CFHR3: variants seen among roughly 807,000 people sequenced by gnomAD.
CFHR3 encodes the protein complement factor H-related protein 3.
CFHR3 carries 22 observed loss-of-function variants against 36.0 expected under a neutral mutation model. The ratio of observed to expected loss-of-function variants is 0.61; its 90% CI spans 0.44 to 0.87. The LOEUF (loss-of-function observed/expected upper bound fraction) is 0.87. Ranked by LOEUF, CFHR3 falls within the 40% of genes least tolerant of loss-of-function variation. The pLI is 0.00. For synonymous variants in CFHR3, 97 were observed against 137.4 expected (o/e 0.71, Z 2.06); for missense variants, 276 against 401.3 (o/e 0.69, Z 2.67).
chr1:196,790,266 T>C, intron 5 of CFHR3, 39 bp downstream of exon 5: 1 of 1,134,884 alleles, frequency 8.8e-7, no homozygotes, highest in Non-Finnish European at 1.2e-6. Flanking sequence ...AAAATCAGAG[T>C]AATAAGTTTG....
At chr1:196,787,427 C>T (rs1233374554) in intron 3 of CFHR3, among the ~76,000 whole-genome samples, 1 of 137,048 alleles carries the variant, frequency 7.3e-6, no homozygotes, top group Admixed American at 7.0e-5. Flanking sequence ...TATGCATCAT[C>T]TTTAACATGA....
rs1654193575 is a variant in CFHR3, at chr1:196,786,237, T to A, written c.431-1979T>A. ...ACTGGGTGGTGCCTCCCAGTTAGGCTGCTCGGGGGTTGGGGTCAGCGACCA... is the reference window on the plus strand; with the variant it reads ...ACTGGGTGGTGCCTCCCAGTTAGGCAGCTCGGGGGTTGGGGTCAGCGACCA... On this transcript the variant is annotated intron_variant, in intron 3 of 5. Coordinates refer to ENST00000367425, the MANE Select transcript of CFHR3 (RefSeq NM_021023.6). Among the ~76,000 whole-genome samples the A allele has an allele frequency of 1.5e-5, 2 of 136,302 alleles. 1 individual carries two copies. The highest frequency in any genetic ancestry group is 6.2e-5 in the African/African-American group (2 of 32,344). 89.4% of individuals were successfully genotyped at this position (136,302 alleles called of 152,430 possible). A position where few individuals can be genotyped will look rare whatever the true frequency, so the allele number is the denominator to read the frequency against.
At chr1:196,785,000 T>G (rs1489122585) in intron 3 of CFHR3, among the ~76,000 whole-genome samples, 1 of 136,284 alleles carries the variant, frequency 7.3e-6, no homozygotes, top group Non-Finnish European at 1.6e-5. Context: ...GCAGGCCTGG[T>G]GGTGACAAAA....
In CFHR3 at chr1:196,788,405, G is replaced by T. The variant is rs748318693; in HGVS notation, c.613+7G>T. 6.5e-7 allele frequency: 1 copy of T among 1,527,232 alleles called. No homozygotes were observed. The highest frequency in any genetic ancestry group is 8.8e-7 in the Non-Finnish European group (1 of 1,131,204). The allele number at this position is 1,527,232 out of a possible 1,614,324, so 94.6% of individuals were successfully genotyped here. A position where few individuals can be genotyped will look rare whatever the true frequency, so the allele number is the denominator to read the frequency against. ...GCACAACCAATTTGCATTAGTAAGT[G>T]ATTTACATATTCCCATTCAGTTTCT... On this transcript the variant is annotated splice_region_variant and intron_variant, in intron 4 of 5. Transcript: ENST00000367425.
chr1:196,776,521 AGGTGGG>A (rs1653727321), intron 1 of CFHR3, among the ~76,000 whole-genome samples: 1 of 137,016 alleles, frequency 7.3e-6, no homozygotes. Flanking sequence ...TCAATGATTC[AGGTGGG>A]TCCTACTCCA....
At chr1:196,776,426 C>A (rs555139914) in intron 1 of CFHR3, among the ~76,000 whole-genome samples, 1 of 137,628 alleles carries the variant, frequency 7.3e-6, no homozygotes, top group East Asian at 2.0e-4. Context: ...CGCCAAAATT[C>A]ATTTGTTAAA....
Position 196,794,717 on chromosome 1 carries a change from T to C in CFHR3, c.*1204T>C. 3.5e-6 allele frequency: 1 copy of C among 283,574 alleles called. No homozygotes were observed. Among genetic ancestry groups the C allele is most frequent in the South Asian group, 3.5e-5 (1 of 28,200 alleles). The allele number at this position is 283,574 out of a possible 1,614,324, so 17.6% of individuals were successfully genotyped here. ...TTTTGAAAAGATTGTATATCCCTGT[T>C]AACAAATTGAAATCTCTATTCACTT... is the stretch of plus-strand genomic sequence containing the variant. On this transcript the variant is annotated 3_prime_UTR_variant, in exon 6 of 6. Transcript: ENST00000367425.
At chr1:196,784,030 A>G (rs1392992497) in intron 3 of CFHR3, among the ~76,000 whole-genome samples, 1 of 136,344 alleles carries the variant, frequency 7.3e-6, no homozygotes, top group Non-Finnish European at 1.6e-5. Flanking sequence ...TTCAAAGAAC[A>G]TCTTTATTTC....
In CFHR3 at chr1:196,779,703, T is replaced by G; in HGVS notation, c.254-94T>G. On this transcript the variant is annotated intron_variant, in intron 2 of 5. Transcript: ENST00000367425. ...ATTATTTTTGGATGTTTATGCGATC[T>G]TATTTAAATATGGTAACAATAATTT... 1.5e-6 allele frequency: 2 copies of G among 1,372,130 alleles called. 1 individual carries two copies. Among genetic ancestry groups the G allele is most frequent in the Non-Finnish European group, 1.9e-6 (2 of 1,032,152 alleles). 85.0% of individuals were successfully genotyped at this position (1,372,130 alleles called of 1,614,324 possible).
intron 4 of CFHR3, chr1:196,789,705 C>T: frequency 6.8e-7 from 1 of 1,470,712 alleles, no homozygotes; most frequent in Non-Finnish European, 9.1e-7. Flanking sequence ...GGAAACACCA[C>T]AGGTTCCATA....
intron 3 of CFHR3, among the ~76,000 whole-genome samples, chr1:196,784,081 A>G (rs1216511654): frequency 2.2e-5 from 3 of 136,252 alleles, no homozygotes; most frequent in African/African-American, 9.3e-5. Context: ...ATTCAGGAGC[A>G]GTTTGTTCAG....
rs147012038 is a variant in CFHR3 at position 196,788,385 on chromosome 1, A to C, written c.600A>C (p.Gln200His). 6.5e-7 allele frequency: 1 copy of C among 1,529,576 alleles called. No individual in the cohort carries two copies. Among genetic ancestry groups the C allele is most frequent in the South Asian group, 1.3e-5 (1 of 79,558 alleles). 94.8% of individuals were successfully genotyped at this position (1,529,576 alleles called of 1,614,324 possible). A position where few individuals can be genotyped will look rare whatever the true frequency, so the allele number is the denominator to read the frequency against. Reference protein sequence around the residue: ...ITCLQNGWSAQPICINSSEKC... With the variant: ...ITCLQNGWSAHPICINSSEKC... ...GTTTGCAAAATGGATGGTCAGCACA[A>C]CCAATTTGCATTAGTAAGTGATTTA... The change falls in exon 4 of 6, where the codon CAA (glutamine) becomes CAC (histidine). Residue 200 changes from glutamine to histidine, a missense_variant. Around this residue, in one of 3 missense-constraint regions of CFHR3, gnomAD observed 178 missense variants for 247.2 expected, o/e 0.72. Transcript: ENST00000367425.
Position 196,793,326 on chromosome 1 carries a change from T to A in CFHR3, c.806T>A (p.Ile269Lys), listed in dbSNP as rs556764847. 27 of 1,511,652 alleles carry A rather than the reference T, an allele frequency of 1.8e-5. 4 individuals are homozygous for A. In the East Asian group the frequency reaches 5.4e-4, roughly 30 times the overall value. 93.6% of individuals were successfully genotyped at this position (1,511,652 alleles called of 1,614,324 possible). A position where few individuals can be genotyped will look rare whatever the true frequency, so the allele number is the denominator to read the frequency against. ...SEPPRCIHPC[I>K]ITEENMNKNN... is the part of the protein sequence containing the mutation. ...TTTTTTCTGCTTTCAGATCCATGTA[T>A]AATAACTGAAGAAAACATGAATAAA... Residue 269 changes from isoleucine (I) to lysine (K), a missense_variant, in exon 6 of 6, where the codon ATA (isoleucine) becomes AAA (lysine). This residue lies in a region of CFHR3 where 76 missense variants were observed against 79.8 expected (regional missense o/e 0.95). Transcript: ENST00000367425.
At chr1:196,778,020 A>T (rs1191247066) in intron 1 of CFHR3, among the ~76,000 whole-genome samples, 1 of 134,094 alleles carries the variant, frequency 7.5e-6, no homozygotes, top group Admixed American at 7.2e-5. Flanking sequence ...AAGAAAAATT[A>T]AAATGATTTC....
At chr1:196,791,787 T>G (rs1654436746) in intron 5 of CFHR3, among the ~76,000 whole-genome samples, 1 of 135,258 alleles carries the variant, frequency 7.4e-6, no homozygotes, top group South Asian at 2.5e-4. Flanking sequence ...TAGAAAAGTG[T>G]TAGGTTTCAG....
rs1444566979 is a variant in CFHR3 at position 196,786,286 on chromosome 1, T to A, written c.431-1930T>A. Among the ~76,000 whole-genome samples, 2 of 135,334 alleles carry A rather than the reference T, an allele frequency of 1.5e-5. 1 individual carries two copies. Among genetic ancestry groups the A allele is most frequent in the Non-Finnish European group, 3.1e-5 (2 of 64,172 alleles). The allele number at this position is 135,334 out of a possible 152,430, so 88.8% of individuals were successfully genotyped here. A position where few individuals can be genotyped will look rare whatever the true frequency, so the allele number is the denominator to read the frequency against. ...CAACTTGAGGAGGCAGTCTGCCCGT[T>A]CTCAGATCTCCAGCTGCGTGCTGGG... On this transcript the variant is annotated intron_variant, in intron 3 of 5. Coordinates refer to ENST00000367425, the MANE Select transcript of CFHR3 (RefSeq NM_021023.6).
At chr1:196,775,200 A>T (rs2124834715) in intron 1 of CFHR3, among the ~76,000 whole-genome samples, 1 of 137,236 alleles carries the variant, frequency 7.3e-6, no homozygotes, top group South Asian at 2.5e-4. Context: ...AATATTGATT[A>T]TGGAGATATG....
At chr1:196,779,445 T>A in intron 2 of CFHR3, 89 bp downstream of exon 2, 1 of 1,070,856 alleles carries the variant, frequency 9.3e-7, no homozygotes, top group Non-Finnish European at 1.4e-6. Flanking sequence ...TTGTCTTATG[T>A]AACAGAAATA....
rs1487288740 is a variant in CFHR3, at chr1:196,785,339, G to C, written c.431-2877G>C. Among the ~76,000 whole-genome samples the C allele has an allele frequency of 2.4e-4, 32 of 133,952 alleles. 5 individuals carry two copies. The highest frequency in any genetic ancestry group is 9.3e-4 in the Admixed American group (13 of 13,916). The allele number at this position is 133,952 out of a possible 152,430, so 87.9% of individuals were successfully genotyped here. ...GGCGTTCTCTGTATTTCCTGAATCT[G>C]AATGTTGGCCTGCCTTGCTAGATTG... On this transcript the variant is annotated intron_variant, in intron 3 of 5. Transcript: ENST00000367425.
Sources: allele counts gnomAD v4.1 joint callset (sites outside exome capture counted in the v4.1 genomes callset), GRCh38; gene constraint gnomAD v4.1.1; regional missense constraint gnomAD v4.1.1; transcripts MANE v1.5; gene names NCBI Gene and HGNC (gene_info 2026-07-23, HGNC 2026-07-21).